Variants in SSC5D observed in about 807,000 individuals in gnomAD.
SSC5D encodes the protein scavenger receptor cysteine rich family member with 5 domains, also known as soluble scavenger receptor cysteine-rich domain-containing protein SSC5D.
A neutral mutation model predicts 104.6 loss-of-function variants in SSC5D; 106 were observed. That is an observed-to-expected ratio of 1.01 (90% CI 0.87 to 1.19). The LOEUF is 1.19. SSC5D is among the 50% of genes most tolerant of loss of function. The pLI is 0.00. For synonymous variants in SSC5D, 860 were observed against 883.5 expected (o/e 0.97, Z 0.47); for missense variants, 1,993 against 2,153.8 (o/e 0.93, Z 1.48).
At chr19:55,504,649 C>CAT (rs1392127050) in intron 12 of SSC5D, among the ~76,000 whole-genome samples, 35 of 152,112 alleles carry the variant, frequency 2.3e-4, no homozygotes, top group Admixed American at 2.3e-3. Flanking sequence ...TACAGGCGCA[C>CAT]GCCACCACAC....
rs1987908509 is a variant in SSC5D at position 55,517,820 on chromosome 19, A to G, written c.3544A>G (p.Thr1182Ala). 1 of 1,143,466 alleles carries G rather than the reference A, an allele frequency of 8.7e-7. No homozygotes were observed. Among genetic ancestry groups the G allele is most frequent in the Admixed American group, 3.2e-5 (1 of 31,742 alleles). The allele number at this position is 1,143,466 out of a possible 1,614,324, so 70.8% of individuals were successfully genotyped here. A position where few individuals can be genotyped will look rare whatever the true frequency, so the allele number is the denominator to read the frequency against. ...TPHFPTTPHP[T>A]TTPHPTTITH... Reference sequence around the variant, plus strand: ...TCACTTCCCTACCACCCCTCACCCCACCACGACCCCTCACCCCACCACCAT... The same window carrying G: ...TCACTTCCCTACCACCCCTCACCCCGCCACGACCCCTCACCCCACCACCAT... The change falls in exon 14 of 14, where the codon ACC becomes GCC. Residue 1182 changes from threonine to alanine, a missense_variant. Transcript: ENST00000389623.
chr19:55,511,190 G>A (rs1360965029), intron 12 of SSC5D, among the ~76,000 whole-genome samples: 3 of 152,206 alleles, frequency 2.0e-5, no homozygotes, highest in Admixed American at 6.5e-5. Context: ...GATTAAGAAT[G>A]GTTAATAATA....
At chr19:55,510,115 A>G (rs1987725130) in intron 12 of SSC5D, among the ~76,000 whole-genome samples, 1 of 151,958 alleles carries the variant, frequency 6.6e-6, no homozygotes, top group Non-Finnish European at 1.5e-5. Context: ...CTCATGCCTC[A>G]GCCCCCCAGT....
Position 55,500,083 on chromosome 19 carries a change from C to G in SSC5D, c.1973C>G (p.Pro658Arg), listed in dbSNP as rs2064446500. The change falls in exon 10 of 14, where the codon CCA becomes CGA. Residue 658 changes from proline (P) to arginine (R), a missense_variant. By Grantham distance (103) the Pro-to-Arg change is moderately radical. This residue lies in a region of SSC5D where 1,101 missense variants were observed against 1,085.0 expected (regional missense o/e 1.01). Coordinates refer to ENST00000389623, the MANE Select transcript of SSC5D (RefSeq NM_001144950.2). This position sits in a 1 kb window ranked among gnomAD's most constrained non-coding sequence, Gnocchi z 4.6. ...TTKHSRAQSP[P>R]DLTSQTTAAL... ...AAACACTCCAGGGCCCAAAGCCCCC[C>G]AGACCTAACCTCACAGACCACTGCA... is the stretch of plus-strand genomic sequence containing the variant. The G allele has an allele frequency of 1.9e-6, 3 of 1,551,570 alleles. No individual in the cohort carries two copies. Among genetic ancestry groups the G allele is most frequent in the Admixed American group, 2.0e-5 (1 of 50,968 alleles).
At position 55,494,798 on chromosome 19, in the gene SSC5D, G is replaced by A. The variant is rs765537549; in HGVS notation, c.1387+15G>A. 5.2e-6 allele frequency: 8 copies of A among 1,525,568 alleles called. No homozygotes were observed. Among genetic ancestry groups the A allele is most frequent in the African/African-American group, 1.4e-5 (1 of 72,214 alleles). The allele number at this position is 1,525,568 out of a possible 1,614,324, so 94.5% of individuals were successfully genotyped here. Reference sequence around the variant, plus strand: ...ACCGGAAGCCGGTGAGTCCCTCCATGCTCCCCAAGAAAACAGGGTCCTTCC... The same window carrying A: ...ACCGGAAGCCGGTGAGTCCCTCCATACTCCCCAAGAAAACAGGGTCCTTCC... On this transcript the variant is annotated intron_variant, in intron 8 of 13. Transcript: ENST00000389623.
chr19:55,493,994 G>GGGGCCCCCC, intron 7 of SSC5D, 82 bp downstream of exon 7: 1 of 143,314 alleles, frequency 7.0e-6, no homozygotes, highest in East Asian at 2.4e-4. Flanking sequence ...GGGCGGGGGG[G>GGGGCCCCCC]TCCCTACGCG....
At chr19:55,491,247 C>G (rs1213735715) in intron 6 of SSC5D, 167 bp downstream of exon 6, 9 of 746,572 alleles carry the variant, frequency 1.2e-5, no homozygotes, top group Non-Finnish European at 1.7e-5. Context: ...CCTTCCACAG[C>G]TCCTGCCGTT....
chr19:55,509,772 TGG>T (rs1987713200), intron 12 of SSC5D, among the ~76,000 whole-genome samples: 1 of 136,394 alleles, frequency 7.3e-6, no homozygotes, highest in African/African-American at 2.8e-5. Flanking sequence ...GGCAGGAGAA[TGG>T]CTTGAAACTG....
Position 55,517,780 on chromosome 19 carries a change from C to A in SSC5D, c.3504C>A (p.Asn1168Lys), listed in dbSNP as rs1454677489. 1.5e-6 allele frequency: 2 copies of A among 1,362,884 alleles called. No individual in the cohort carries two copies. Among genetic ancestry groups the A allele is most frequent in the South Asian group, 2.5e-5 (2 of 81,358 alleles). The allele number at this position is 1,362,884 out of a possible 1,614,324, so 84.4% of individuals were successfully genotyped here. A position where few individuals can be genotyped will look rare whatever the true frequency, so the allele number is the denominator to read the frequency against. The part of the protein sequence containing the change: ...TMAPDPITTL[N>K]PTVTPHFPTT... ...CCCCTGACCCCATCACAACCCTTAA[C>A]CCTACTGTGACCCCTCACTTCCCTA... The change falls in exon 14 of 14, where the codon AAC becomes AAA. Residue 1168 changes from asparagine (N) to lysine (K), a missense_variant. Asn to Lys is a moderately conservative substitution (Grantham distance 94). Around this residue, in one of 6 missense-constraint regions of SSC5D, gnomAD observed 30 missense variants for 52.4 expected, o/e 0.57. Coordinates refer to ENST00000389623, the MANE Select transcript of SSC5D (RefSeq NM_001144950.2).
chr19:55,517,142 C>T (rs1987888699), intron 13 of SSC5D, 82 bp from the exon 14 acceptor site: 6 of 1,306,614 alleles, frequency 4.6e-6, no homozygotes, highest in Non-Finnish European at 1.0e-6. Context: ...CATTGGTCGG[C>T]TCCTCGAGGG....
chr19:55,490,124 T>G, intron 4 of SSC5D, 129 bp downstream of exon 4: 2 of 599,180 alleles, frequency 3.3e-6, no homozygotes, highest in Non-Finnish European at 5.7e-6. Flanking sequence ...GAGAGGGACC[T>G]CTGCAGTATG....
chr19:55,490,410 T>C lies in SSC5D; in HGVS notation c.586+2T>C. On this transcript the variant is annotated splice_donor_variant, in intron 5 of 13. Transcript: ENST00000389623. LOFTEE classifies it high-confidence loss of function. Reference sequence around the variant, plus strand: ...TGACGACAGGAGCCCCCCGCCAAGGTAAGCTCCCTGCAGGCTCCCCCGACC... The same window carrying C: ...TGACGACAGGAGCCCCCCGCCAAGGCAAGCTCCCTGCAGGCTCCCCCGACC... 7.9e-7 allele frequency: 1 copy of C among 1,269,570 alleles called. No homozygotes were observed. The highest frequency in any genetic ancestry group is 1.1e-6 in the Non-Finnish European group (1 of 917,874). 78.6% of individuals were successfully genotyped at this position (1,269,570 alleles called of 1,614,324 possible).
At chr19:55,504,089 G>A in intron 12 of SSC5D, 4 of 1,533,506 alleles carry the variant, frequency 2.6e-6, no homozygotes, top group Non-Finnish European at 3.5e-6. Flanking sequence ...CTCCAGCTGT[G>A]AGTTAGAGCT....
intron 13 of SSC5D, among the ~76,000 whole-genome samples, chr19:55,514,432 A>G (rs1161288605): frequency 2.8e-5 from 2 of 71,178 alleles, no homozygotes; most frequent in South Asian, 3.7e-4. Flanking sequence ...AATAATAATA[A>G]TAATAATAAT....
rs1357044635 is a variant in SSC5D at position 55,503,857 on chromosome 19, G to T, written c.2785+2656G>T. ...GCGCTCAGCACGCATGCGCAGGCGC[G>T]GTGGGCCCGGGAATGGAGGGACGGG... On this transcript the variant is annotated intron_variant, in intron 12 of 13. Transcript: ENST00000389623. This position sits in a 1 kb window ranked among gnomAD's most constrained non-coding sequence, Gnocchi z 4.0. Among the ~76,000 whole-genome samples the T allele has an allele frequency of 1.3e-5, 2 of 152,114 alleles. No homozygotes were observed. The highest frequency in any genetic ancestry group is 4.8e-5 in the African/African-American group (2 of 41,414).
chr19:55,498,303 T>A, intron 9 of SSC5D, 106 bp downstream of exon 9: 4 of 1,209,824 alleles, frequency 3.3e-6, no homozygotes, highest in Non-Finnish European at 4.7e-6. Flanking sequence ...GCCCCAGCCC[T>A]GTGCTGGGTG....
Position 55,518,197 on chromosome 19 carries a change from C to A in SSC5D, c.3921C>A (p.Pro1307=). The A allele has an allele frequency of 6.9e-7, 1 of 1,448,250 alleles. No individual in the cohort carries two copies. The highest frequency in any genetic ancestry group is 9.2e-7 in the Non-Finnish European group (1 of 1,087,216). 89.7% of individuals were successfully genotyped at this position (1,448,250 alleles called of 1,614,324 possible). A position where few individuals can be genotyped will look rare whatever the true frequency, so the allele number is the denominator to read the frequency against. ...CTCACCCCACCATGACTCCTGACCC[C>A]ACCACGACCCCTTACCCCACCACTA... The part of the protein sequence containing the change: ...TTPHPTMTPD[P]TTTPYPTTTP... The change falls in exon 14 of 14, where the codon CCC becomes CCA. Residue 1307 remains proline (P), a synonymous_variant. Transcript: ENST00000389623.
At position 55,490,387 on chromosome 19, in the gene SSC5D, A is replaced by G; in HGVS notation, c.565A>G (p.Thr189Ala). The G allele has an allele frequency of 6.8e-7, 1 of 1,469,734 alleles. No homozygotes were observed. Among genetic ancestry groups the G allele is most frequent in the Non-Finnish European group, 9.2e-7 (1 of 1,087,784 alleles). 91.0% of individuals were successfully genotyped at this position (1,469,734 alleles called of 1,614,324 possible). ...QAKSTRAPLL[T>A]TGAPRQERLR... is the part of the protein sequence containing the mutation. ...CAAGTCCACCCGGGCCCCTCTGCTG[A>G]CGACAGGAGCCCCCCGCCAAGGTAA... Residue 189 changes from threonine (T) to alanine (A), a missense_variant, in exon 5 of 14, where the codon ACG (threonine) becomes GCG (alanine). Coordinates refer to ENST00000389623, the MANE Select transcript of SSC5D (RefSeq NM_001144950.2).
rs1429926280 is a variant in SSC5D, at chr19:55,501,060, C to T, written c.2644C>T (p.Pro882Ser). Residue 882 changes from proline to serine, a missense_variant, in exon 12 of 14, where the codon CCC (proline) becomes TCC (serine). This residue lies in a region of SSC5D where 423 missense variants were observed against 409.2 expected (regional missense o/e 1.03). Coordinates refer to ENST00000389623, the MANE Select transcript of SSC5D (RefSeq NM_001144950.2). ...TGYTDYDDYP[P>S]WTWDPTSRED... ...CTACACAGACTATGACGATTATCCC[C>T]CCTGGACCTGGGACCCCACCTCAAG... The T allele has an allele frequency of 6.4e-7, 1 of 1,551,928 alleles. No homozygotes were observed. Among genetic ancestry groups the T allele is most frequent in the East Asian group, 2.4e-5 (1 of 40,918 alleles).
Sources: allele counts gnomAD v4.1 joint callset (sites outside exome capture counted in the v4.1 genomes callset), GRCh38; gene constraint gnomAD v4.1.1; regional missense constraint gnomAD v4.1.1; non-coding constraint Gnocchi (gnomAD v3.1); transcripts MANE v1.5; gene names NCBI Gene and HGNC (gene_info 2026-07-23, HGNC 2026-07-21).